The following PLEKHA5 variants were observed in gnomAD, a reference collection of about 807,000 sequenced individuals.
PLEKHA5 encodes pleckstrin homology domain containing A5, also known as pleckstrin homology domain-containing family A member 5.
PLEKHA5 carries 55 observed loss-of-function variants against 181.9 expected under a neutral mutation model. That is an observed-to-expected ratio of 0.30 (90% CI 0.24 to 0.38). The LOEUF is 0.38. PLEKHA5 is among the 10% of genes least tolerant of loss of function. The probability of loss-of-function intolerance (pLI) is 1.00; values close to 1 mark genes in which losing one functional copy is unlikely to be tolerated. For missense variants in PLEKHA5, 1,432 were observed against 1,549.5 expected (o/e 0.92, Z 1.27); for synonymous variants, 535 against 529.4 (o/e 1.01, Z -0.15).
At chr12:19,154,565 C>T (rs900871495) in intron 3 of PLEKHA5, 1 of 152,038 alleles carries the variant, frequency 6.6e-6, no homozygotes, top group African/African-American at 2.4e-5. Context: ...CAATAAAAGG[C>T]CTTCATAATT....
At chr12:19,167,979 A>G (rs1392441459) in intron 3 of PLEKHA5, among the ~76,000 whole-genome samples, 1 of 152,100 alleles carries the variant, frequency 6.6e-6, no homozygotes, top group Admixed American at 6.6e-5. Context: ...CACAGCCTGC[A>G]TTACTGTTCT....
chr12:19,354,772 G>A (rs142022836), intron 26 of PLEKHA5, among the ~76,000 whole-genome samples: 38 of 152,268 alleles, frequency 2.5e-4, no homozygotes, highest in African/African-American at 7.9e-4. Flanking sequence ...GTGAGCCACC[G>A]CGCCCGGCCT....
At position 19,322,301 on chromosome 12, in the gene PLEKHA5, A is replaced by G. The variant is rs371732078; in HGVS notation, c.2218-9A>G. Reference sequence around the variant, plus strand: ...AATTGCTAACAAGACATCTTCTCTTATAACCTAGGCCAAGTTAAGCCGATT... The same window carrying G: ...AATTGCTAACAAGACATCTTCTCTTGTAACCTAGGCCAAGTTAAGCCGATT... On this transcript the variant is annotated splice_polypyrimidine_tract_variant and intron_variant, in intron 18 of 31. Coordinates refer to ENST00000429027, the MANE Select transcript of PLEKHA5 (RefSeq NM_001256470.2). 1.2e-5 allele frequency: 20 copies of G among 1,602,730 alleles called. No homozygotes were observed. Among genetic ancestry groups the G allele is most frequent in the Admixed American group, 6.7e-5 (4 of 59,952 alleles).
At chr12:19,327,404 G>A (rs1017375206) in intron 20 of PLEKHA5, among the ~76,000 whole-genome samples, 1 of 151,604 alleles carries the variant, frequency 6.6e-6, no homozygotes, top group Non-Finnish European at 1.5e-5. Flanking sequence ...TTAAGTGTCT[G>A]TTCATGTCTT....
Position 19,283,651 on chromosome 12 carries a change from A to T in PLEKHA5, c.1685A>T (p.Tyr562Phe). 6.2e-7 allele frequency: 1 copy of T among 1,613,924 alleles called. No individual in the cohort carries two copies. The highest frequency in any genetic ancestry group is 8.5e-7 in the Non-Finnish European group (1 of 1,179,962). Residue 562 changes from tyrosine (Y) to phenylalanine (F), a missense_variant, in exon 12 of 32, where the codon TAC (tyrosine) becomes TTC (phenylalanine). By Grantham distance (22) the Tyr-to-Phe change is conservative. This residue lies in a region of PLEKHA5 where 1,143 missense variants were observed against 1,168.4 expected (regional missense o/e 0.98). Coordinates refer to ENST00000429027, the MANE Select transcript of PLEKHA5 (RefSeq NM_001256470.2). ...GGGTCAATAGCTGCTTATCAGGGAT[A>T]CTCCCCTCAACGAACTTACAGATCG... is the stretch of plus-strand genomic sequence containing the variant. ...SHGSIAAYQG[Y>F]SPQRTYRSEV... is the part of the protein sequence containing the mutation.
chr12:19,224,453 T>C (rs900574297), intron 3 of PLEKHA5, among the ~76,000 whole-genome samples: 1 of 152,140 alleles, frequency 6.6e-6, no homozygotes, highest in African/African-American at 2.4e-5. Context: ...TATCAGTGGG[T>C]TTTGCTCTTA....
intron 3 of PLEKHA5, among the ~76,000 whole-genome samples, chr12:19,231,502 A>AG (rs1182442188): frequency 2.7e-5 from 4 of 150,380 alleles, no homozygotes; most frequent in Non-Finnish European, 5.9e-5. Context: ...GACCTAGGTA[A>AG]GGAAACTACA....
intron 28 of PLEKHA5, among the ~76,000 whole-genome samples, chr12:19,360,262 C>T (rs557976242): frequency 1.3e-5 from 2 of 150,644 alleles, no homozygotes; most frequent in South Asian, 2.1e-4. Context: ...GAGCCCAAGT[C>T]GCAGTGAGTA....
chr12:19,144,241 C>T (rs1466907563), intron 3 of PLEKHA5, among the ~76,000 whole-genome samples: 3 of 152,114 alleles, frequency 2.0e-5, no homozygotes, highest in African/African-American at 4.8e-5. Context: ...ACAACTACCC[C>T]AGAACTCAGT....
At chr12:19,274,178 A>G (rs988069225) in intron 10 of PLEKHA5, among the ~76,000 whole-genome samples, 3 of 152,208 alleles carry the variant, frequency 2.0e-5, no homozygotes, top group Admixed American at 2.0e-4. Context: ...TCAAGGGACT[A>G]TCTACTGTGG....
At chr12:19,215,382 AT>A (rs969645325) in intron 3 of PLEKHA5, among the ~76,000 whole-genome samples, 11 of 152,270 alleles carry the variant, frequency 7.2e-5, no homozygotes, top group Admixed American at 5.2e-4. Context: ...GTAACTATTT[AT>A]TGAGTGTTTA....
At chr12:19,165,403 G>T (rs1393566051) in intron 3 of PLEKHA5, among the ~76,000 whole-genome samples, 1 of 151,026 alleles carries the variant, frequency 6.6e-6, no homozygotes. Flanking sequence ...AGAAACCGAG[G>T]ATATGAGTAC....
chr12:19,348,530 G>C lies in PLEKHA5; in HGVS notation c.3019+11G>C, dbSNP rs2094443006. The C allele has an allele frequency of 6.4e-7, 1 of 1,556,672 alleles. No individual in the cohort carries two copies. Among genetic ancestry groups the C allele is most frequent in the Non-Finnish European group, 8.6e-7 (1 of 1,159,548 alleles). ...CTTCAGTTGTTAAAGGTCAGCATTT[G>C]TAATATGTTTTACCTCTTGGTTTTT... On this transcript the variant is annotated intron_variant, in intron 25 of 31. Coordinates refer to ENST00000429027, the MANE Select transcript of PLEKHA5 (RefSeq NM_001256470.2).
chr12:19,315,534 A>G (rs940169294), intron 16 of PLEKHA5, among the ~76,000 whole-genome samples: 1 of 152,148 alleles, frequency 6.6e-6, no homozygotes, highest in Non-Finnish European at 1.5e-5. Flanking sequence ...GAACCTTAGT[A>G]ATCTGCAGAT....
At chr12:19,165,294 C>G (rs1397247637) in intron 3 of PLEKHA5, among the ~76,000 whole-genome samples, 2 of 152,204 alleles carry the variant, frequency 1.3e-5, no homozygotes, top group African/African-American at 2.4e-5. Context: ...CACACACTGT[C>G]TATCCCATGA....
chr12:19,269,634 T>A (rs2071942643), intron 8 of PLEKHA5, 136 bp from the exon 9 acceptor site: 2 of 515,102 alleles, frequency 3.9e-6, no homozygotes, highest in Non-Finnish European at 6.9e-6. Flanking sequence ...CATTTCCATA[T>A]CTCAGGTAAA....
chr12:19,186,747 T>G (rs2049954025), intron 3 of PLEKHA5, among the ~76,000 whole-genome samples: 1 of 152,198 alleles, frequency 6.6e-6, no homozygotes, highest in African/African-American at 2.4e-5. Context: ...AAGTCCTATA[T>G]TCTAACTGAG....
chr12:19,138,965 CAT>C (rs1224314915), intron 3 of PLEKHA5, among the ~76,000 whole-genome samples: 1 of 152,068 alleles, frequency 6.6e-6, no homozygotes, highest in East Asian at 1.9e-4. Flanking sequence ...AATTATGCAA[CAT>C]GAAGGTTTTA....
intron 28 of PLEKHA5, among the ~76,000 whole-genome samples, 171 bp from the exon 29 acceptor site, chr12:19,361,411 C>G (rs1370061035): frequency 6.6e-6 from 1 of 152,150 alleles, no homozygotes; most frequent in African/African-American, 2.4e-5. Flanking sequence ...TCTCAATCTC[C>G]TGACCTCGTG....
Sources: allele counts gnomAD v4.1 joint callset (sites outside exome capture counted in the v4.1 genomes callset), GRCh38; gene constraint gnomAD v4.1.1; regional missense constraint gnomAD v4.1.1; transcripts MANE v1.5; gene names NCBI Gene and HGNC (gene_info 2026-07-23, HGNC 2026-07-21).